Variants in PTCHD4 observed in about 807,000 individuals in gnomAD.
PTCHD4 encodes patched domain-containing protein 4.
Under a neutral mutation model 58.1 loss-of-function variants are expected in PTCHD4, and 33 were observed. The observed-to-expected ratio is 0.57, with a 90% CI of 0.43 to 0.76. The LOEUF (loss-of-function observed/expected upper bound fraction) is 0.76, where lower values mean the gene tolerates loss of function less well. Among genes scored for constraint, PTCHD4 ranks in the 30% least tolerant of loss-of-function variants. The pLI, the probability that PTCHD4 is intolerant of heterozygous loss-of-function variation, is 0.00. For missense variants in PTCHD4, 1,058 were observed against 1,027.1 expected (o/e 1.03, Z -0.41); for synonymous variants, 478 against 409.6 (o/e 1.17, Z -2.02).
Position 47,951,317 on chromosome 6 carries a change from G to A in PTCHD4, c.898+57317C>T, listed in dbSNP as rs76237797. 6.3e-3 allele frequency among the ~76,000 whole-genome samples: 966 copies of A among 152,290 alleles called. 2 individuals carry two copies. Among genetic ancestry groups the A allele is most frequent in the Non-Finnish European group, 0.011 (761 of 68,006 alleles). On this transcript the variant is annotated intron_variant, in intron 4 of 4. Coordinates refer to ENST00000339488, the MANE Select transcript of PTCHD4 (RefSeq NM_001384253.1). ...AGCCCAAAGGGGCATTGGGAGAAGT[G>A]GCTCCTGTATCCTCAGTGGGGTTTG...
Position 48,068,714 on chromosome 6 carries a change from T to G in PTCHD4, c.6-73A>C. The G allele has an allele frequency of 7.4e-7, 1 of 1,342,816 alleles. No homozygotes were observed. The highest frequency in any genetic ancestry group is 1.5e-5 in the South Asian group (1 of 67,886). The allele number at this position is 1,342,816 out of a possible 1,614,324, so 83.2% of individuals were successfully genotyped here. A position where few individuals can be genotyped will look rare whatever the true frequency, so the allele number is the denominator to read the frequency against. ...CCCCCATCCCACCCCCTGGGGCCAGTCCCCCCTCCCCACCGCCGCCGCCTC... is the reference window on the plus strand; with the variant it reads ...CCCCCATCCCACCCCCTGGGGCCAGGCCCCCCTCCCCACCGCCGCCGCCTC... On this transcript the variant is annotated intron_variant, in intron 2 of 4. Transcript: ENST00000339488. The surrounding 1 kb of genome is among the most constrained non-coding windows in gnomAD (Gnocchi z 4.2).
intron 1 of PTCHD4, among the ~76,000 whole-genome samples, chr6:48,108,830 GC>G (rs1765802533): frequency 1.3e-5 from 2 of 151,464 alleles, no homozygotes; most frequent in Admixed American, 6.6e-5. Flanking sequence ...ACAACAGAAA[GC>G]TAAAAGATGA....
chr6:47,938,035 C>T (rs1766069965), intron 4 of PTCHD4, among the ~76,000 whole-genome samples: 1 of 152,114 alleles, frequency 6.6e-6, no homozygotes, highest in Admixed American at 6.5e-5. Context: ...CACCTGTAGT[C>T]CCAGCTACTC....
At chr6:47,995,641 C>A (rs906000606) in intron 4 of PTCHD4, among the ~76,000 whole-genome samples, 1 of 152,172 alleles carries the variant, frequency 6.6e-6, no homozygotes, top group African/African-American at 2.4e-5. Context: ...TGGAATACAA[C>A]AAAATTACAG....
In PTCHD4 at chr6:47,872,317, G is replaced by A. The variant is rs77402922; in HGVS notation, c.*5986C>T. 8.8e-3 allele frequency among the ~76,000 whole-genome samples: 1,333 copies of A among 151,696 alleles called. 10 individuals are homozygous for A. The highest frequency in any genetic ancestry group is 0.051 in the South Asian group (246 of 4,820). The stretch of plus-strand genomic sequence containing the variant: ...AAATTCTTCAATGCAGTCTTCCAAA[G>A]CATTAGAATTTTTTTCCCCCTCTGG... On this transcript the variant is annotated 3_prime_UTR_variant, in exon 5 of 5. Transcript: ENST00000339488.
chr6:48,086,953 T>G (rs572897745), intron 1 of PTCHD4, among the ~76,000 whole-genome samples: 1 of 152,286 alleles, frequency 6.6e-6, no homozygotes, highest in East Asian at 1.9e-4. Flanking sequence ...TTACTATTTT[T>G]TTCAAAATTA....
At chr6:48,035,992 G>T (rs1763620360) in intron 3 of PTCHD4, among the ~76,000 whole-genome samples, 1 of 151,948 alleles carries the variant, frequency 6.6e-6, no homozygotes, top group South Asian at 2.1e-4. Context: ...AATAAACCCT[G>T]CCTTACATTC....
intron 4 of PTCHD4, among the ~76,000 whole-genome samples, chr6:47,905,210 A>C (rs1764839298): frequency 6.6e-6 from 1 of 152,152 alleles, no homozygotes; most frequent in Non-Finnish European, 1.5e-5. Flanking sequence ...TTTTATTGTA[A>C]GTCAAAGTCA....
chr6:47,926,876 C>T (rs2113897184), intron 4 of PTCHD4, among the ~76,000 whole-genome samples: 1 of 152,296 alleles, frequency 6.6e-6, no homozygotes, highest in South Asian at 2.1e-4. Context: ...ACACTAAAAC[C>T]TGATAACTAT....
intron 4 of PTCHD4, among the ~76,000 whole-genome samples, chr6:47,988,280 T>C (rs1768151911): frequency 6.6e-6 from 1 of 152,192 alleles, no homozygotes. Context: ...TACAAACACA[T>C]AGCCACTTTG....
Position 48,068,268 on chromosome 6 carries a change from C to T in PTCHD4, c.379G>A (p.Gly127Arg). 1 of 1,603,988 alleles carries T rather than the reference C, an allele frequency of 6.2e-7. No individual in the cohort carries two copies. The highest frequency in any genetic ancestry group is 8.5e-7 in the Non-Finnish European group (1 of 1,172,924). The change falls in exon 3 of 5, where the codon GGG (glycine) becomes AGG (arginine). Residue 127 changes from glycine (G) to arginine (R), a missense_variant. Physicochemically the swap from Gly to Arg is moderately radical, Grantham distance 125. Transcript: ENST00000339488. The surrounding 1 kb of genome is among the most constrained non-coding windows in gnomAD (Gnocchi z 4.2). Reference protein sequence around the residue: ...TGDNILLQAEGILQTHRAVLE... With the variant: ...TGDNILLQAERILQTHRAVLE... ...ACGGCTCGGTGGGTCTGCAGGATCC[C>T]CTCAGCCTGGAGCAAAATATTGTCC...
intron 4 of PTCHD4, chr6:47,900,453 T>A (rs1314565052): frequency 6.6e-6 from 1 of 152,226 alleles, no homozygotes; most frequent in Non-Finnish European, 1.5e-5. Flanking sequence ...TTCTGTCCAC[T>A]TTGAAATTGG....
At chr6:47,953,592 T>C (rs947709278) in intron 4 of PTCHD4, among the ~76,000 whole-genome samples, 1 of 152,068 alleles carries the variant, frequency 6.6e-6, no homozygotes, top group Non-Finnish European at 1.5e-5. Flanking sequence ...TAGAATCAGA[T>C]TATAAAGAAT....
chr6:47,981,513 C>A (rs1465289396), intron 4 of PTCHD4, among the ~76,000 whole-genome samples: 3 of 152,126 alleles, frequency 2.0e-5, no homozygotes, highest in Middle Eastern at 3.4e-3. Context: ...ATGGAACATG[C>A]ATTGAGATTT....
intron 4 of PTCHD4, among the ~76,000 whole-genome samples, chr6:47,929,298 C>G (rs1033532356): frequency 1.3e-5 from 2 of 152,174 alleles, no homozygotes; most frequent in African/African-American, 4.8e-5. Flanking sequence ...GTAAAAAGTT[C>G]TACTTAAAAA....
chr6:48,068,544 C>A lies in PTCHD4; in HGVS notation c.103G>T (p.Val35Leu), dbSNP rs1339737792. The A allele has an allele frequency of 2.5e-6, 4 of 1,606,598 alleles. No homozygotes were observed. Among genetic ancestry groups the A allele is most frequent in the Non-Finnish European group, 3.4e-6 (4 of 1,178,244 alleles). ...QSFCHRLGLC[V>L]SRHPVFFLTV... ...AGGAAAAAGACCGGGTGCCGGCTCACGCACAAACCCAGCCTGTGGCAGAAC... is the reference window on the plus strand; with the variant it reads ...AGGAAAAAGACCGGGTGCCGGCTCAAGCACAAACCCAGCCTGTGGCAGAAC... Residue 35 changes from valine to leucine, a missense_variant, in exon 3 of 5, where the codon GTG becomes TTG. Physicochemically the swap from Val to Leu is conservative, Grantham distance 32. Transcript: ENST00000339488. This position sits in a 1 kb window ranked among gnomAD's most constrained non-coding sequence, Gnocchi z 4.2.
chr6:48,074,953 T>G (rs1200502593), intron 1 of PTCHD4, among the ~76,000 whole-genome samples: 1 of 152,118 alleles, frequency 6.6e-6, no homozygotes, highest in African/African-American at 2.4e-5. Flanking sequence ...TATCTTTATT[T>G]AAATAGGATA....
rs754046553 is a variant in PTCHD4, at chr6:48,008,691, AG to A, written c.840del (p.Phe281SerfsTer46). On this transcript the variant is annotated frameshift_variant, in exon 4 of 5. Coordinates refer to ENST00000339488, the MANE Select transcript of PTCHD4 (RefSeq NM_001384253.1). LOFTEE classifies it high-confidence loss of function. ...CISIITAAGI[F>X]FITDGKYNST... ...GAGTTGTACTTTCCATCGGTGATGAAGAAGATCCCTGCTGCTGTGATGATGG... is the reference window on the plus strand; with the variant it reads ...GAGTTGTACTTTCCATCGGTGATGAAAAGATCCCTGCTGCTGTGATGATGG... 1 of 1,613,670 alleles carries A rather than the reference AG, an allele frequency of 6.2e-7. No homozygotes were observed. Among genetic ancestry groups the A allele is most frequent in the Non-Finnish European group, 8.5e-7 (1 of 1,179,798 alleles).
chr6:47,909,443 C>G (rs1164419722), intron 4 of PTCHD4, among the ~76,000 whole-genome samples: 1 of 151,934 alleles, frequency 6.6e-6, no homozygotes, highest in African/African-American at 2.4e-5. Flanking sequence ...AAATTAGAGA[C>G]AAAAGTTATA....
Sources: allele counts gnomAD v4.1 joint callset (sites outside exome capture counted in the v4.1 genomes callset), GRCh38; gene constraint gnomAD v4.1.1; non-coding constraint Gnocchi (gnomAD v3.1); transcripts MANE v1.5; gene names NCBI Gene and HGNC (gene_info 2026-07-23, HGNC 2026-07-21).